Variants in NIBAN1 observed in about 807,000 individuals in gnomAD.
NIBAN1 encodes protein Niban 1.
NIBAN1 carries 81 observed loss-of-function variants against 75.1 expected under a neutral mutation model. That is an observed-to-expected ratio of 1.08 (90% CI 0.90 to 1.30). The LOEUF is 1.30. Ranked by LOEUF, NIBAN1 falls within the 50% of genes most tolerant of loss-of-function variation. The probability of loss-of-function intolerance (pLI) is 0.00; values close to 1 mark genes in which losing one functional copy is unlikely to be tolerated. For missense variants in NIBAN1, 1,133 were observed against 1,128.1 expected (o/e 1.00, Z -0.06); for synonymous variants, 436 against 424.8 (o/e 1.03, Z -0.32).
chr1:184,913,353 G>A (rs919632622), intron 1 of NIBAN1, among the ~76,000 whole-genome samples: 2 of 151,958 alleles, frequency 1.3e-5, no homozygotes, highest in Non-Finnish European at 2.9e-5. Flanking sequence ...TCACCAGCAT[G>A]TTCTCAAACT....
chr1:184,809,693 A>ATG (rs4047728), intron 9 of NIBAN1, among the ~76,000 whole-genome samples: 80,487 of 139,404 alleles, frequency 0.58, 24,616 homozygotes, highest in African/African-American at 0.79. Flanking sequence ...ATACATATAT[A>ATG]TGTGTATACA....
rs546800521 is a variant in NIBAN1, at chr1:184,822,968, T to C, written c.985+199A>G. 2.8e-5 allele frequency among the ~76,000 whole-genome samples: 4 copies of C among 144,788 alleles called. No individual in the cohort carries two copies. The East Asian group carries it at 6.3e-4, about 23-fold the overall frequency. 95.0% of individuals were successfully genotyped at this position (144,788 alleles called of 152,430 possible). On this transcript the variant is annotated intron_variant, in intron 8 of 13. Transcript: ENST00000367511. ...CAAAGGCAAGAAACAAACTTTCCTC[T>C]GCCTTGTGTCCATGAAGCTTCCACG...
intron 1 of NIBAN1, among the ~76,000 whole-genome samples, chr1:184,924,965 A>G (rs1657646239): frequency 6.7e-6 from 1 of 149,528 alleles, no homozygotes; most frequent in Non-Finnish European, 1.5e-5. Flanking sequence ...CTTTTCAAAA[A>G]CCCCACTTTT....
At chr1:184,971,618 C>A (rs529157467) in intron 1 of NIBAN1, among the ~76,000 whole-genome samples, 1 of 151,896 alleles carries the variant, frequency 6.6e-6, no homozygotes, top group South Asian at 2.1e-4. Flanking sequence ...TGCAGTGATC[C>A]GAGATCGTGC....
At chr1:184,818,186 C>A (rs150740217) in intron 9 of NIBAN1, among the ~76,000 whole-genome samples, 146 of 151,738 alleles carry the variant, frequency 9.6e-4, no homozygotes, top group African/African-American at 3.5e-3. Flanking sequence ...GAAAACAAAC[C>A]AACAATGTTC....
intron 2 of NIBAN1, among the ~76,000 whole-genome samples, chr1:184,897,760 G>A (rs1311894705): frequency 6.6e-6 from 1 of 152,086 alleles, no homozygotes; most frequent in Non-Finnish European, 1.5e-5. Context: ...TATTTGCTCT[G>A]GTTAAAAACC....
intron 2 of NIBAN1, among the ~76,000 whole-genome samples, chr1:184,894,714 C>A (rs1656754942): frequency 6.6e-6 from 1 of 152,330 alleles, no homozygotes; most frequent in Admixed American, 6.5e-5. Context: ...GCCATGGGGA[C>A]CCCTCTCCAT....
intron 1 of NIBAN1, among the ~76,000 whole-genome samples, chr1:184,921,395 G>A (rs1166921415): frequency 2.6e-5 from 4 of 152,082 alleles, no homozygotes; most frequent in African/African-American, 7.2e-5. Flanking sequence ...TAGAGACAGC[G>A]ATCACAAAAA....
At chr1:184,926,679 C>A (rs770697993) in intron 1 of NIBAN1, among the ~76,000 whole-genome samples, 3 of 152,124 alleles carry the variant, frequency 2.0e-5, no homozygotes, top group Non-Finnish European at 2.9e-5. Context: ...TGTTCTATAA[C>A]CTTCTTGTAC....
intron 1 of NIBAN1, among the ~76,000 whole-genome samples, chr1:184,926,226 GT>G (rs2102025410): frequency 6.6e-6 from 1 of 152,178 alleles, no homozygotes; most frequent in African/African-American, 2.4e-5. Context: ...TCCATCGTAT[GT>G]TTTTTATTTG....
intron 2 of NIBAN1, among the ~76,000 whole-genome samples, chr1:184,894,443 A>G (rs1370483155): frequency 6.6e-6 from 1 of 152,210 alleles, no homozygotes; most frequent in Non-Finnish European, 1.5e-5. Flanking sequence ...ATTATGCTAT[A>G]GGAACAGAAG....
chr1:184,871,194 A>C (rs1656097229), intron 5 of NIBAN1, among the ~76,000 whole-genome samples: 2 of 151,974 alleles, frequency 1.3e-5, no homozygotes, highest in Non-Finnish European at 2.9e-5. Flanking sequence ...TAAAAATACA[A>C]AAATTAGCCA....
chr1:184,888,723 A>C (rs1358678636), intron 4 of NIBAN1, among the ~76,000 whole-genome samples: 1 of 152,224 alleles, frequency 6.6e-6, no homozygotes, highest in African/African-American at 2.4e-5. Flanking sequence ...ATCAATAAAC[A>C]TATTGTCTCT....
intron 8 of NIBAN1, among the ~76,000 whole-genome samples, chr1:184,822,081 C>T (rs1029123596): frequency 2.0e-5 from 3 of 152,136 alleles, no homozygotes; most frequent in African/African-American, 7.2e-5. Context: ...TCCATTGTCT[C>T]GCTTGGAAAG....
At position 184,871,028 on chromosome 1, in the gene NIBAN1, A is replaced by G. The variant is rs190780168; in HGVS notation, c.601+13605T>C. Among the ~76,000 whole-genome samples, 288 of 152,286 alleles carry G rather than the reference A, an allele frequency of 1.9e-3. 2 individuals carry two copies. Among genetic ancestry groups the G allele is most frequent in the Admixed American group, 4.2e-3 (64 of 15,282 alleles). On this transcript the variant is annotated intron_variant, in intron 5 of 13. Coordinates refer to ENST00000367511, the MANE Select transcript of NIBAN1 (RefSeq NM_052966.4). ...TGGAATAGGATAAGCCCCCAATCCAATATGACTGGTGTCCTTATAAAAGAG... is the reference window on the plus strand; with the variant it reads ...TGGAATAGGATAAGCCCCCAATCCAGTATGACTGGTGTCCTTATAAAAGAG...
chr1:184,865,413 C>T (rs1288917443), intron 5 of NIBAN1, among the ~76,000 whole-genome samples: 1 of 152,018 alleles, frequency 6.6e-6, no homozygotes, highest in Non-Finnish European at 1.5e-5. Flanking sequence ...ACATTGAGTA[C>T]CAATGGACAT....
intron 5 of NIBAN1, among the ~76,000 whole-genome samples, chr1:184,871,464 G>A (rs764277755): frequency 2.6e-5 from 4 of 151,690 alleles, no homozygotes. Flanking sequence ...AAGCCAAGGA[G>A]AGAAGCCTGG....
chr1:184,926,017 G>T (rs1657671753), intron 1 of NIBAN1, among the ~76,000 whole-genome samples: 1 of 152,122 alleles, frequency 6.6e-6, no homozygotes, highest in African/African-American at 2.4e-5. Flanking sequence ...GGTAGGACAG[G>T]TCTGGCATTG....
rs372540876 is a variant in NIBAN1, at chr1:184,890,178, G to T, written c.363C>A (p.Ala121=). Residue 121 remains alanine, a synonymous_variant, in exon 4 of 14, where the codon GCC becomes GCA. Coordinates refer to ENST00000367511, the MANE Select transcript of NIBAN1 (RefSeq NM_052966.4). ...CTTCTGAGGTTAACACCTTGCCACC[G>T]GCTGGAAGAATTCGACATTTAGGAG... The part of the protein sequence containing the change: ...GAAPKCRILP[A]GGKVLTSEDE... 6.2e-7 allele frequency: 1 copy of T among 1,613,928 alleles called. No homozygotes were observed. The highest frequency in any genetic ancestry group is 8.5e-7 in the Non-Finnish European group (1 of 1,179,866).
Sources: gnomAD v4.1 joint callset for allele counts (sites outside exome capture counted in the v4.1 genomes callset) on GRCh38, gnomAD v4.1.1 for gene constraint, MANE v1.5 for transcripts, NCBI Gene and HGNC (gene_info 2026-07-23, HGNC 2026-07-21) for gene names.